The following VAX2 variants were observed in gnomAD, a reference collection of about 807,000 sequenced individuals.
VAX2 encodes the protein ventral anterior homeobox 2.
VAX2 carries 8 observed loss-of-function variants against 12.5 expected under a neutral mutation model. The ratio of observed to expected loss-of-function variants is 0.64; its 90% CI spans 0.37 to 1.15. VAX2 has a LOEUF of 1.15. VAX2 is among the 50% of genes most tolerant of loss of function. The pLI is 0.01. For missense variants in VAX2, 476 were observed against 412.9 expected, an observed-to-expected ratio of 1.15 and a Z score of -1.32; for synonymous variants, 183 against 187.6, an observed-to-expected ratio of 0.98 and a Z score of 0.20.
In VAX2 at chr2:70,933,362, G is replaced by T. The variant is rs1481658474; in HGVS notation, c.*158G>T. 2.1e-5 allele frequency: 13 copies of T among 629,270 alleles called. No homozygotes were observed. The highest frequency in any genetic ancestry group is 2.9e-5 in the Non-Finnish European group (12 of 410,938). The allele number at this position is 629,270 out of a possible 1,614,324, so 39.0% of individuals were successfully genotyped here. A position where few individuals can be genotyped will look rare whatever the true frequency, so the allele number is the denominator to read the frequency against. On this transcript the variant is annotated 3_prime_UTR_variant, in exon 3 of 3. Transcript: ENST00000234392. Reference sequence around the variant, plus strand: ...CAGAGACTCGTGACCAAATGGCCTTGGTCCCGCAGCTTGTGTGCGTGAGTG... The same window carrying T: ...CAGAGACTCGTGACCAAATGGCCTTTGTCCCGCAGCTTGTGTGCGTGAGTG...
rs1679751943 is a variant in VAX2 at position 70,933,372 on chromosome 2, C to T, written c.*168C>T. The T allele has an allele frequency of 3.6e-6, 2 of 553,854 alleles. No homozygotes were observed. The highest frequency in any genetic ancestry group is 6.8e-5 in the East Asian group (2 of 29,466). 34.3% of individuals were successfully genotyped at this position (553,854 alleles called of 1,614,324 possible). ...TGACCAAATGGCCTTGGTCCCGCAG[C>T]TTGTGTGCGTGAGTGCAGTGTGAGT... On this transcript the variant is annotated 3_prime_UTR_variant, in exon 3 of 3. Transcript: ENST00000234392.
At chr2:70,910,503 C>A (rs1679158096) in intron 1 of VAX2, among the ~76,000 whole-genome samples, 1 of 151,982 alleles carries the variant, frequency 6.6e-6, no homozygotes, top group Non-Finnish European at 1.5e-5. Flanking sequence ...TTCTCTACGT[C>A]CTCCCAACTC....
intron 1 of VAX2, among the ~76,000 whole-genome samples, chr2:70,912,838 C>A (rs1195162926): frequency 2.0e-5 from 3 of 151,934 alleles, no homozygotes; most frequent in Non-Finnish European, 4.4e-5. Flanking sequence ...GTCACCACCT[C>A]TCCCAAGCAA....
intron 1 of VAX2, among the ~76,000 whole-genome samples, chr2:70,901,764 A>C (rs1230078618): frequency 6.6e-6 from 1 of 152,156 alleles, no homozygotes; most frequent in East Asian, 1.9e-4. Flanking sequence ...TGAGAGGAGA[A>C]AGGGGACTCC....
intron 2 of VAX2, among the ~76,000 whole-genome samples, chr2:70,926,568 C>T (rs1264852785): frequency 6.6e-6 from 1 of 152,166 alleles, no homozygotes; most frequent in African/African-American, 2.4e-5. Flanking sequence ...ACCAGCTGTA[C>T]GTACAGCTCC....
chr2:70,917,294 C>G (rs138386263), intron 1 of VAX2, among the ~76,000 whole-genome samples: 18 of 151,058 alleles, frequency 1.2e-4, no homozygotes, highest in Non-Finnish European at 1.6e-4. Flanking sequence ...TGCACTCCAG[C>G]CTGGGGGATA....
In VAX2 at chr2:70,926,165, C is replaced by T. The variant is rs564244446; in HGVS notation, c.435+4880C>T. 1.3e-4 allele frequency among the ~76,000 whole-genome samples: 20 copies of T among 152,254 alleles called. No homozygotes were observed. The South Asian group carries it at 3.7e-3, about 28-fold the overall frequency. The stretch of plus-strand genomic sequence containing the variant: ...GCAGGCAGAATGGCGAAGCCCTTTC[C>T]TTGGCTCTCCACCACTCACAGGGCT... On this transcript the variant is annotated intron_variant, in intron 2 of 2. Transcript: ENST00000234392.
chr2:70,933,432 T>C lies in VAX2; in HGVS notation c.*228T>C. 1 of 398,692 alleles carries C rather than the reference T, an allele frequency of 2.5e-6. No individual in the cohort carries two copies. Among genetic ancestry groups the C allele is most frequent in the Non-Finnish European group, 4.4e-6 (1 of 228,394 alleles). The allele number at this position is 398,692 out of a possible 1,614,324, so 24.7% of individuals were successfully genotyped here. A position where few individuals can be genotyped will look rare whatever the true frequency, so the allele number is the denominator to read the frequency against. On this transcript the variant is annotated 3_prime_UTR_variant, in exon 3 of 3. Coordinates refer to ENST00000234392, the MANE Select transcript of VAX2 (RefSeq NM_012476.3). ...TCTCACTGAAATAAAAGGAAAACAA[T>C]GACAAGAAGGGAAATGGTGCCCACA...
chr2:70,903,418 A>T (rs1294049474), intron 1 of VAX2, among the ~76,000 whole-genome samples: 1 of 152,044 alleles, frequency 6.6e-6, no homozygotes, highest in African/African-American at 2.4e-5. Context: ...CTAAGGGCAT[A>T]CCACAGGGGG....
In VAX2 at chr2:70,916,513, C is replaced by T. The variant is rs142350965; in HGVS notation, c.248-4585C>T. 4.6e-5 allele frequency among the ~76,000 whole-genome samples: 7 copies of T among 152,332 alleles called. No homozygotes were observed. In the East Asian group the frequency reaches 1.3e-3, roughly 29 times the overall value. ...GTCACCACAAAGGAACTTCCTCTTA[C>T]TACTCATTGATGGCCAGGTCCTTCC... On this transcript the variant is annotated intron_variant, in intron 1 of 2. Transcript: ENST00000234392.
rs1387235555 is a variant in VAX2, at chr2:70,904,478, C to A, written c.247+3610C>A. The stretch of plus-strand genomic sequence containing the variant: ...AATTTAACGACCGATTTTGATAGAT[C>A]CGGGAAATTCTGTCCACCAGCGTCA... On this transcript the variant is annotated intron_variant, in intron 1 of 2. Coordinates refer to ENST00000234392, the MANE Select transcript of VAX2 (RefSeq NM_012476.3). This position sits in a 1 kb window ranked among gnomAD's most constrained non-coding sequence, Gnocchi z 4.2. 1.3e-5 allele frequency among the ~76,000 whole-genome samples: 2 copies of A among 152,208 alleles called. No homozygotes were observed. The highest frequency in any genetic ancestry group is 2.9e-5 in the Non-Finnish European group (2 of 68,044).
In VAX2 at chr2:70,901,550, C is replaced by A. The variant is rs550570012; in HGVS notation, c.247+682C>A. Among the ~76,000 whole-genome samples, 12 of 152,358 alleles carry A rather than the reference C, an allele frequency of 7.9e-5. 1 individual carries two copies. In the South Asian group the frequency reaches 2.5e-3, roughly 32 times the overall value. Reference sequence around the variant, plus strand: ...TTTCTCCCTCGGCCCTCGTCCTCCTCTCGTCTTTCCCGGCCATTCCTCTCA... The same window carrying A: ...TTTCTCCCTCGGCCCTCGTCCTCCTATCGTCTTTCCCGGCCATTCCTCTCA... On this transcript the variant is annotated intron_variant, in intron 1 of 2. Coordinates refer to ENST00000234392, the MANE Select transcript of VAX2 (RefSeq NM_012476.3).
intron 1 of VAX2, among the ~76,000 whole-genome samples, chr2:70,910,097 T>A (rs1679149769): frequency 6.6e-6 from 1 of 152,116 alleles, no homozygotes; most frequent in South Asian, 2.1e-4. Context: ...TATAGGTGAC[T>A]TTTTTAAGAG....
At chr2:70,922,623 G>A in intron 2 of VAX2, among the ~76,000 whole-genome samples, 1 of 151,998 alleles carries the variant, frequency 6.6e-6, no homozygotes, top group South Asian at 2.1e-4. Flanking sequence ...GTGAGAAGGG[G>A]TGAGAGGCAG....
Position 70,933,010 on chromosome 2 carries a change from C to G in VAX2, c.679C>G (p.Pro227Ala). ...CTTAGGTGACCCCAGGAACTCCTCC[C>G]CACGCCTCAACCCGCTGTCCTCGGC... ...TSLGDPRNSSPRLNPLSSASA... is the reference protein window; with the variant it reads ...TSLGDPRNSSARLNPLSSASA... The change falls in exon 3 of 3, where the codon CCA (proline) becomes GCA (alanine). Residue 227 changes from proline to alanine, a missense_variant. Coordinates refer to ENST00000234392, the MANE Select transcript of VAX2 (RefSeq NM_012476.3). The G allele has an allele frequency of 1.4e-5, 23 of 1,600,440 alleles. No homozygotes were observed. Among genetic ancestry groups the G allele is most frequent in the Non-Finnish European group, 2.0e-5 (23 of 1,172,466 alleles).
chr2:70,930,547 C>T (rs115285457), intron 2 of VAX2, among the ~76,000 whole-genome samples: 4 of 152,316 alleles, frequency 2.6e-5, no homozygotes, highest in African/African-American at 9.6e-5. Flanking sequence ...TTCAAGGAGG[C>T]AGAGATCTTT....
intron 2 of VAX2, among the ~76,000 whole-genome samples, chr2:70,928,178 G>A (rs781818731): frequency 6.6e-6 from 1 of 152,228 alleles, no homozygotes; most frequent in Non-Finnish European, 1.5e-5. Context: ...GAACCTACCC[G>A]CTAGGGCCTG....
At chr2:70,921,594 G>A (rs1364666792) in intron 2 of VAX2, among the ~76,000 whole-genome samples, 2 of 152,126 alleles carry the variant, frequency 1.3e-5, no homozygotes, top group Non-Finnish European at 2.9e-5. Context: ...GCTTGGGGGG[G>A]TGTTGGCATG....
Position 70,900,830 on chromosome 2 carries a change from C to T in VAX2, c.209C>T (p.Pro70Leu), listed in dbSNP as rs1553409674. Residue 70 changes from proline to leucine, a missense_variant, in exon 1 of 3, where the codon CCC becomes CTC. Pro to Leu is a moderately conservative substitution (Grantham distance 98). Coordinates refer to ENST00000234392, the MANE Select transcript of VAX2 (RefSeq NM_012476.3). ...GCCGACAGCGACGGGCAGCCCGGGC[C>T]CGGCGAGGCAGACCACTGCCGCCGC... Reference protein sequence around the residue: ...SGADSDGQPGPGEADHCRRIL... With the variant: ...SGADSDGQPGLGEADHCRRIL... The T allele has an allele frequency of 3.4e-6, 5 of 1,473,514 alleles. No homozygotes were observed. The highest frequency in any genetic ancestry group is 4.5e-6 in the Non-Finnish European group (5 of 1,112,718). 91.3% of individuals were successfully genotyped at this position (1,473,514 alleles called of 1,614,324 possible).
Sources: gnomAD v4.1 joint callset for allele counts (sites outside exome capture counted in the v4.1 genomes callset) on GRCh38, gnomAD v4.1.1 for gene constraint, Gnocchi (gnomAD v3.1) non-coding constraint, MANE v1.5 for transcripts, NCBI Gene and HGNC (gene_info 2026-07-23, HGNC 2026-07-21) for gene names.